TMEM178B: variants seen among roughly 807,000 people sequenced by gnomAD.
The protein encoded by TMEM178B is transmembrane protein 178B.
In TMEM178B, 5 loss-of-function variants were observed where a neutral mutation model predicts 31.0. That is an observed-to-expected ratio of 0.16 (90% CI 0.08 to 0.34). The LOEUF (loss-of-function observed/expected upper bound fraction) is 0.34. TMEM178B is among the 10% of genes least tolerant of loss of function. The probability of loss-of-function intolerance (pLI) is 1.00; values close to 1 mark genes in which losing one functional copy is unlikely to be tolerated. For synonymous variants in TMEM178B, 164 were observed against 164.0 expected (o/e 1.00, Z 0.00); for missense variants, 275 against 400.3 (o/e 0.69, Z 2.67).
chr7:141,233,594 G>A (rs1797481192), intron 2 of TMEM178B, among the ~76,000 whole-genome samples: 1 of 152,148 alleles, frequency 6.6e-6, no homozygotes, highest in South Asian at 2.1e-4. Context: ...TGTCCCACTG[G>A]GGTATGTGTT....
At chr7:141,194,649 T>C (rs1289936039) in intron 1 of TMEM178B, among the ~76,000 whole-genome samples, 1 of 152,104 alleles carries the variant, frequency 6.6e-6, no homozygotes, top group Admixed American at 6.5e-5. Context: ...TGTCGGTGGA[T>C]CTACTATTCT....
At chr7:141,469,898 A>C (rs147203860) in intron 3 of TMEM178B, among the ~76,000 whole-genome samples, 1 of 152,342 alleles carries the variant, frequency 6.6e-6, no homozygotes, top group African/African-American at 2.4e-5. Flanking sequence ...ATGCGTGTTC[A>C]TGGGTGAGAA....
At chr7:141,329,576 G>A (rs1799260121) in intron 2 of TMEM178B, among the ~76,000 whole-genome samples, 2 of 152,070 alleles carry the variant, frequency 1.3e-5, no homozygotes, top group African/African-American at 4.8e-5. Context: ...ATTTGTTCTT[G>A]GTGTTTTTGT....
intron 2 of TMEM178B, among the ~76,000 whole-genome samples, chr7:141,317,850 T>C (rs1038214340): frequency 4.6e-5 from 7 of 152,218 alleles, no homozygotes; most frequent in Non-Finnish European, 7.3e-5. Context: ...ATTGTTTTGA[T>C]GTATATTGGG....
intron 1 of TMEM178B, among the ~76,000 whole-genome samples, chr7:141,204,933 A>G (rs1310749670): frequency 6.6e-6 from 1 of 151,894 alleles, no homozygotes; most frequent in African/African-American, 2.4e-5. Flanking sequence ...CAGTCCTCCC[A>G]CCCCAGCCTT....
At position 141,479,388 on chromosome 7, in the gene TMEM178B, C is replaced by G. The variant is rs563092288; in HGVS notation, c.*8602C>G. On this transcript the variant is annotated 3_prime_UTR_variant, in exon 4 of 4. Coordinates refer to ENST00000565468, the MANE Select transcript of TMEM178B (RefSeq NM_001195278.2). ...GGCAGTGGCCACAGGCAGACTGGGT[C>G]TCCTAGGAGGTGGTGGTGTTGGTGA... 2 of 152,258 alleles carry G rather than the reference C, an allele frequency of 1.3e-5. No homozygotes were observed. The highest frequency in any genetic ancestry group is 1.3e-4 in the Admixed American group (2 of 15,308). 9.4% of individuals were successfully genotyped at this position (152,258 alleles called of 1,614,324 possible).
chr7:141,465,980 A>G (rs1276940065), intron 3 of TMEM178B, among the ~76,000 whole-genome samples: 4 of 152,174 alleles, frequency 2.6e-5, no homozygotes, highest in African/African-American at 7.2e-5. Context: ...CTATGATTGT[A>G]CCACTGCACT....
chr7:141,097,642 A>G (rs1794985606), intron 1 of TMEM178B, among the ~76,000 whole-genome samples: 1 of 151,914 alleles, frequency 6.6e-6, no homozygotes, highest in Non-Finnish European at 1.5e-5. Context: ...AATCTTTAGC[A>G]TTTTCATCAA....
intron 2 of TMEM178B, among the ~76,000 whole-genome samples, chr7:141,289,583 C>T (rs1798508047): frequency 6.6e-6 from 1 of 151,922 alleles, no homozygotes; most frequent in Non-Finnish European, 1.5e-5. Context: ...GGCATGATGG[C>T]ATGTGCCTGT....
At chr7:141,256,351 C>T (rs1381670146) in intron 2 of TMEM178B, among the ~76,000 whole-genome samples, 1 of 152,130 alleles carries the variant, frequency 6.6e-6, no homozygotes, top group Non-Finnish European at 1.5e-5. Flanking sequence ...GGGCAAACCC[C>T]AATACATTTA....
intron 2 of TMEM178B, among the ~76,000 whole-genome samples, chr7:141,253,137 C>G (rs879812534): frequency 7.2e-5 from 11 of 152,244 alleles, no homozygotes; most frequent in Non-Finnish European, 1.2e-4. Flanking sequence ...CCTGCAGGCT[C>G]TCAGGCACAC....
At chr7:141,247,152 AATAG>A in intron 2 of TMEM178B, among the ~76,000 whole-genome samples, 1 of 151,942 alleles carries the variant, frequency 6.6e-6, no homozygotes. Context: ...ACTTTGTGGA[AATAG>A]ATATTTATCT....
chr7:141,095,457 C>T (rs547784335), intron 1 of TMEM178B, among the ~76,000 whole-genome samples: 1 of 152,250 alleles, frequency 6.6e-6, no homozygotes, highest in Non-Finnish European at 1.5e-5. Flanking sequence ...GAATGTGTGT[C>T]ATGACCAATT....
intron 1 of TMEM178B, among the ~76,000 whole-genome samples, chr7:141,082,863 G>T (rs1194208110): frequency 3.3e-5 from 5 of 152,222 alleles, no homozygotes; most frequent in African/African-American, 1.2e-4. Context: ...GTCAGGGAAT[G>T]CAGGAGTGAG....
intron 2 of TMEM178B, among the ~76,000 whole-genome samples, chr7:141,315,061 G>A (rs572480066): frequency 1.4e-4 from 21 of 152,298 alleles, no homozygotes; most frequent in African/African-American, 4.8e-4. Context: ...ATGGCCACTT[G>A]GTTCTGTTTT....
At chr7:141,377,399 T>C (rs568138423) in intron 2 of TMEM178B, among the ~76,000 whole-genome samples, 1 of 152,042 alleles carries the variant, frequency 6.6e-6, no homozygotes, top group African/African-American at 2.4e-5. Context: ...GGCCGGCTGA[T>C]CTTGAACTCC....
intron 2 of TMEM178B, among the ~76,000 whole-genome samples, chr7:141,436,411 G>A (rs1473041662): frequency 1.3e-5 from 2 of 152,180 alleles, no homozygotes; most frequent in Non-Finnish European, 2.9e-5. Context: ...CCCCTGGGAA[G>A]CACAGACCCT....
chr7:141,461,792 G>A lies in TMEM178B; in HGVS notation c.635-8744G>A, dbSNP rs929185504. Among the ~76,000 whole-genome samples the A allele has an allele frequency of 1.1e-4, 16 of 152,244 alleles. No individual in the cohort carries two copies. Among genetic ancestry groups the A allele is most frequent in the African/African-American group, 3.9e-4 (16 of 41,460 alleles). On this transcript the variant is annotated intron_variant, in intron 3 of 3. Coordinates refer to ENST00000565468, the MANE Select transcript of TMEM178B (RefSeq NM_001195278.2). The surrounding 1 kb of genome is among the most constrained non-coding windows in gnomAD (Gnocchi z 4.0). The stretch of plus-strand genomic sequence containing the variant: ...TATACACCTGCAATTAGCACTCAGA[G>A]TGAGCTGAGCAGGGAGTTGGCTCCG...
At chr7:141,233,571 G>A (rs1178624394) in intron 2 of TMEM178B, among the ~76,000 whole-genome samples, 1 of 152,206 alleles carries the variant, frequency 6.6e-6, no homozygotes, top group Non-Finnish European at 1.5e-5. Context: ...GACTGGGGGT[G>A]TTGTAACTTC....
Sources: gnomAD v4.1 joint callset for allele counts (sites outside exome capture counted in the v4.1 genomes callset) on GRCh38, gnomAD v4.1.1 for gene constraint, Gnocchi (gnomAD v3.1) non-coding constraint, MANE v1.5 for transcripts, NCBI Gene and HGNC (gene_info 2026-07-23, HGNC 2026-07-21) for gene names.